ABCC4: variants seen among roughly 807,000 people sequenced by gnomAD.
ABCC4 encodes the protein ATP binding cassette subfamily C member 4 (PEL blood group).
A neutral mutation model predicts 168.5 loss-of-function variants in ABCC4; 102 were observed. That is an observed-to-expected ratio of 0.61 (90% CI 0.52 to 0.71). ABCC4 has a LOEUF of 0.71. Ranked by LOEUF, ABCC4 falls within the 30% of genes least tolerant of loss-of-function variation. The pLI is 0.00. For synonymous variants in ABCC4, 617 were observed against 590.7 expected, an observed-to-expected ratio of 1.04 and a Z score of -0.65; for missense variants, 1,402 against 1,605.8, an observed-to-expected ratio of 0.87 and a Z score of 2.17.
At chr13:95,100,736 G>A (rs1028235199) in intron 20 of ABCC4, among the ~76,000 whole-genome samples, 16 of 152,128 alleles carry the variant, frequency 1.1e-4, no homozygotes, top group South Asian at 4.2e-4. Context: ...GCATGAGAAC[G>A]CCGTGATTCA....
chr13:95,270,617 G>A (rs1279081575), intron 1 of ABCC4, among the ~76,000 whole-genome samples: 1 of 152,176 alleles, frequency 6.6e-6, no homozygotes, highest in Non-Finnish European at 1.5e-5. Context: ...CAGGGGGCTG[G>A]CCAGGGCCCA....
chr13:95,250,200 G>T (rs2040218313), intron 1 of ABCC4, among the ~76,000 whole-genome samples: 1 of 152,178 alleles, frequency 6.6e-6, no homozygotes, highest in Admixed American at 6.5e-5. Flanking sequence ...CCCTGAGGGG[G>T]TCTAGTCAAC....
chr13:95,066,482 A>G (rs1279450408), intron 25 of ABCC4, among the ~76,000 whole-genome samples: 2 of 152,230 alleles, frequency 1.3e-5, no homozygotes, highest in African/African-American at 2.4e-5. Context: ...GTCCTGCAAA[A>G]AAAACCAGAA....
At position 95,176,225 on chromosome 13, in the gene ABCC4, G is replaced by GC. The variant is rs1566493695; in HGVS notation, c.1727+1481_1727+1482insG. 2.3e-3 allele frequency among the ~76,000 whole-genome samples: 65 copies of GC among 28,700 alleles called. 10 individuals carry two copies. Among genetic ancestry groups the GC allele is most frequent in the Non-Finnish European group, 4.3e-3 (58 of 13,522 alleles). The allele number at this position is 28,700 out of a possible 152,430, so 18.8% of individuals were successfully genotyped here. ...TCAGCACTCCAGGAAGCCGAGGGCA[G>GC]GGGGGGGGGGGGGGGGGGGGTGGAT... is the stretch of plus-strand genomic sequence containing the variant. On this transcript the variant is annotated intron_variant, in intron 13 of 30. Transcript: ENST00000645237.
chr13:95,031,366 G>C (rs555801497), intron 30 of ABCC4, among the ~76,000 whole-genome samples: 1 of 152,162 alleles, frequency 6.6e-6, no homozygotes, highest in African/African-American at 2.4e-5. Context: ...ATGAGACAAG[G>C]AGCAGCGTTT....
chr13:95,071,836 C>T lies in ABCC4; in HGVS notation c.3036G>A (p.Arg1012=). 6.4e-7 allele frequency: 1 copy of T among 1,573,182 alleles called. No individual in the cohort carries two copies. The highest frequency in any genetic ancestry group is 1.9e-5 in the Admixed American group (1 of 52,702). The change falls in exon 25 of 31, where the codon AGG becomes AGA. Residue 1012 remains arginine, a synonymous_variant. Transcript: ENST00000645237. ...TTTCAAGGTCTGTGTATTCAATGAC[C>T]CTTTCTACTGAGATCATCTGAAAGA... ...EVENMMISVE[R]VIEYTDLEKE... is the part of the protein sequence containing the mutation.
At position 95,143,159 on chromosome 13, in the gene ABCC4, G is replaced by C. The variant is rs558706752; in HGVS notation, c.2455+18030C>G. Among the ~76,000 whole-genome samples the C allele has an allele frequency of 2.6e-5, 4 of 152,044 alleles. No homozygotes were observed. In the South Asian group the frequency reaches 8.4e-4, roughly 32 times the overall value. On this transcript the variant is annotated intron_variant, in intron 19 of 30. Coordinates refer to ENST00000645237, the MANE Select transcript of ABCC4 (RefSeq NM_005845.5). ...ACTGAACCATCAACATTACTAATATGGTTTCTTCTGAGTAGACCACCAAGA... is the reference window on the plus strand; with the variant it reads ...ACTGAACCATCAACATTACTAATATCGTTTCTTCTGAGTAGACCACCAAGA...
chr13:95,127,156 A>G (rs2035809621), intron 19 of ABCC4, among the ~76,000 whole-genome samples: 1 of 152,048 alleles, frequency 6.6e-6, no homozygotes, highest in Admixed American at 6.6e-5. Context: ...GGCGTTCACC[A>G]GTCATTTCTA....
chr13:95,221,824 A>G (rs1158953481), intron 4 of ABCC4, among the ~76,000 whole-genome samples: 1 of 152,248 alleles, frequency 6.6e-6, no homozygotes, highest in African/African-American at 2.4e-5. Context: ...ATCATTGGCC[A>G]TGATTTCAAT....
chr13:95,127,995 G>C (rs899880361), intron 19 of ABCC4, among the ~76,000 whole-genome samples: 8 of 152,212 alleles, frequency 5.3e-5, no homozygotes, highest in Middle Eastern at 3.4e-3. Context: ...TATATTCTAA[G>C]AAAAAGGTAA....
rs1324766481 is a variant in ABCC4, at chr13:95,111,660, A to AT, written c.2535+4261dup. On this transcript the variant is annotated intron_variant, in intron 20 of 30. Transcript: ENST00000645237. Reference sequence around the variant, plus strand: ...ACCAGTGTCACTGTTCCCATCTGCAATGAGTGCCAACATCTAACTATATAA... The same window carrying AT: ...ACCAGTGTCACTGTTCCCATCTGCAATTGAGTGCCAACATCTAACTATATAA... Among the ~76,000 whole-genome samples the AT allele has an allele frequency of 3.9e-5, 6 of 152,200 alleles. 1 individual carries two copies. Among genetic ancestry groups the AT allele is most frequent in the African/African-American group, 1.2e-4 (5 of 41,440 alleles).
intron 8 of ABCC4, among the ~76,000 whole-genome samples, chr13:95,196,654 A>G (rs9524825): frequency 5.1e-4 from 17 of 33,570 alleles, no homozygotes; most frequent in African/African-American, 1.9e-3. Context: ...GGAAGGAAGG[A>G]AGGAAGGAAG....
Position 95,210,571 on chromosome 13 carries a change from G to A in ABCC4, c.621+121C>T, listed in dbSNP as rs551456305. 61 of 779,528 alleles carry A rather than the reference G, an allele frequency of 7.8e-5. 2 individuals carry two copies. The highest frequency in any genetic ancestry group is 6.4e-4 in the South Asian group (35 of 54,504). 48.3% of individuals were successfully genotyped at this position (779,528 alleles called of 1,614,324 possible). On this transcript the variant is annotated intron_variant, in intron 5 of 30. Transcript: ENST00000645237. ...GAGCCCAGGAGTTCAAGCCTTCAGC[G>A]AGCTATGATCCTGCCACTGCAATCC...
At chr13:95,187,508 C>T (rs1016711712) in intron 10 of ABCC4, among the ~76,000 whole-genome samples, 1 of 152,170 alleles carries the variant, frequency 6.6e-6, no homozygotes, top group African/African-American at 2.4e-5. Flanking sequence ...GAGGCTGAGG[C>T]ATGAGAATCA....
intron 3 of ABCC4, among the ~76,000 whole-genome samples, chr13:95,243,051 A>C (rs1466605639): frequency 6.6e-6 from 1 of 152,202 alleles, no homozygotes; most frequent in Non-Finnish European, 1.5e-5. Flanking sequence ...ACTACTGTCT[A>C]ATTTTATACC....
chr13:95,124,510 T>G (rs986077058), intron 19 of ABCC4, among the ~76,000 whole-genome samples: 5 of 145,346 alleles, frequency 3.4e-5, no homozygotes, highest in Non-Finnish European at 5.9e-5. Flanking sequence ...TGAGCTATGA[T>G]CACGCTAATG....
At chr13:95,029,718 G>C (rs953628646) in intron 30 of ABCC4, among the ~76,000 whole-genome samples, 1 of 152,124 alleles carries the variant, frequency 6.6e-6, no homozygotes, top group South Asian at 2.1e-4. Flanking sequence ...AAAAAGTACT[G>C]AGCTTTTATA....
chr13:95,071,180 A>G (rs2033711836), intron 25 of ABCC4, among the ~76,000 whole-genome samples: 1 of 152,190 alleles, frequency 6.6e-6, no homozygotes, highest in Non-Finnish European at 1.5e-5. Context: ...CTTTAAGTCC[A>G]TTAAACCTCT....
chr13:95,087,454 C>T (rs2034294752), intron 20 of ABCC4, among the ~76,000 whole-genome samples: 1 of 152,232 alleles, frequency 6.6e-6, no homozygotes, highest in South Asian at 2.1e-4. Flanking sequence ...TGCCACTGCA[C>T]TCCAGACTGG....
Sources: allele counts gnomAD v4.1 joint callset (sites outside exome capture counted in the v4.1 genomes callset), GRCh38; gene constraint gnomAD v4.1.1; transcripts MANE v1.5; gene names NCBI Gene and HGNC (gene_info 2026-07-23, HGNC 2026-07-21).